Variants in ITSN1 observed in about 807,000 individuals in gnomAD.
ITSN1 encodes intersectin 1, also known as intersectin-1.
In ITSN1, 58 loss-of-function variants were observed where a neutral mutation model predicts 239.8. The ratio of observed to expected loss-of-function variants is 0.24; its 90% CI spans 0.20 to 0.30. ITSN1 has a LOEUF of 0.30. ITSN1 is among the 10% of genes least tolerant of loss of function. ITSN1 has a pLI of 1.00. For missense variants in ITSN1, 1,558 were observed against 2,103.3 expected (o/e 0.74, Z 5.07); for synonymous variants, 780 against 770.8 (o/e 1.01, Z -0.20).
rs1037554839 is a variant in ITSN1 at position 33,837,040 on chromosome 21, A to C, written c.3661+408A>C. On this transcript the variant is annotated intron_variant, in intron 29 of 39. Coordinates refer to ENST00000381318, the MANE Select transcript of ITSN1 (RefSeq NM_003024.3). ...GGCTTGAAAGTCCTCAAAGAGACCCACTATCCCATATCACTGCCCAGAGGG... is the reference window on the plus strand; with the variant it reads ...GGCTTGAAAGTCCTCAAAGAGACCCCCTATCCCATATCACTGCCCAGAGGG... The C allele has an allele frequency of 1.9e-6, 3 of 1,612,428 alleles. No individual in the cohort carries two copies. The South Asian group carries it at 3.3e-5, about 18-fold the overall frequency.
At chr21:33,751,003 AG>A (rs768302988) in intron 6 of ITSN1, among the ~76,000 whole-genome samples, 34 of 152,366 alleles carry the variant, frequency 2.2e-4, no homozygotes, top group South Asian at 8.3e-4. Context: ...CATGGGTTTT[AG>A]CATCATACTT....
In ITSN1 at chr21:33,667,920, A is replaced by G. The variant is rs148458903; in HGVS notation, c.-33+25207A>G. Among the ~76,000 whole-genome samples the G allele has an allele frequency of 1.8e-3, 271 of 152,280 alleles. 3 individuals are homozygous for G. The highest frequency in any genetic ancestry group is 6.3e-3 in the African/African-American group (260 of 41,552). ...TGAGGTGGGTTGGGTTCTGGTGCCT[A>G]TGGCAGGGGCTCCAGCAAGCAGATG... On this transcript the variant is annotated intron_variant, in intron 1 of 39. Transcript: ENST00000381318.
rs750751221 is a variant in ITSN1 at position 33,774,797 on chromosome 21, A to G, written c.1374A>G (p.Leu458=). 21 of 1,613,964 alleles carry G rather than the reference A, an allele frequency of 1.3e-5. 1 individual carries two copies. The highest frequency in any genetic ancestry group is 8.8e-5 in the South Asian group (8 of 91,082). Residue 458 remains leucine (L), a synonymous_variant, in exon 13 of 40, where the codon CTA becomes CTG. Coordinates refer to ENST00000381318, the MANE Select transcript of ITSN1 (RefSeq NM_003024.3). ...EWERNRRQEL[L]NQRNKEQEDI... ...AACGGAATCGAAGGCAAGAACTACTAAATCAAAGAAACAAAGAACAAGAGG... is the reference window on the plus strand; with the variant it reads ...AACGGAATCGAAGGCAAGAACTACTGAATCAAAGAAACAAAGAACAAGAGG...
In ITSN1 at chr21:33,813,907, C is replaced by G; in HGVS notation, c.2568-6C>G. On this transcript the variant is annotated splice_polypyrimidine_tract_variant and splice_region_variant and intron_variant, in intron 21 of 39. Transcript: ENST00000381318. The stretch of plus-strand genomic sequence containing the variant: ...GTTATTCATGGTGTTGTGCTTTTCC[C>G]TCCAGGTGGCCCACCAGCACGAATG... 6.2e-7 allele frequency: 1 copy of G among 1,613,024 alleles called. No homozygotes were observed. Among genetic ancestry groups the G allele is most frequent in the Non-Finnish European group, 8.5e-7 (1 of 1,179,630 alleles).
intron 20 of ITSN1, among the ~76,000 whole-genome samples, chr21:33,804,667 G>GT (rs1168805628): frequency 6.6e-6 from 1 of 152,132 alleles, no homozygotes; most frequent in Non-Finnish European, 1.5e-5. Flanking sequence ...TTTGACATCC[G>GT]TAACATGTTA....
intron 2 of ITSN1, among the ~76,000 whole-genome samples, chr21:33,719,299 G>T (rs1332889501): frequency 4.6e-5 from 7 of 152,084 alleles, no homozygotes; most frequent in Admixed American, 4.6e-4. Context: ...AAATTAGCCG[G>T]GCGTGGTGGC....
chr21:33,878,036 GTGTGTGTGTGTT>G (rs1984282533), intron 34 of ITSN1, among the ~76,000 whole-genome samples: 1 of 118,390 alleles, frequency 8.4e-6, no homozygotes, highest in African/African-American at 2.7e-5. Context: ...GTGTGTGTGT[GTGTGTGTGTGTT>G]TGTTTTAGTC....
At chr21:33,676,936 C>T (rs1009689326) in intron 1 of ITSN1, among the ~76,000 whole-genome samples, 1 of 149,272 alleles carries the variant, frequency 6.7e-6, no homozygotes, top group Non-Finnish European at 1.5e-5. Flanking sequence ...TGTTCTCACT[C>T]ATAGGTGGGA....
chr21:33,880,672 A>G (rs1328557130), intron 34 of ITSN1, among the ~76,000 whole-genome samples: 2 of 152,050 alleles, frequency 1.3e-5, no homozygotes, highest in African/African-American at 4.8e-5. Flanking sequence ...TGGGGGACAC[A>G]TGTTACGAAC....
rs1029051019 is a variant in ITSN1, at chr21:33,886,502, C to T, written c.5017+42C>T. On this transcript the variant is annotated intron_variant, in intron 39 of 39. Transcript: ENST00000381318. ...CCTGTGGTTATTCCTCCTTCCCTGG[C>T]ACTCGTTTGCGTGGGTTAATGTTTT... The T allele has an allele frequency of 3.4e-6, 5 of 1,483,848 alleles. No homozygotes were observed. The Admixed American group carries it at 1.1e-4, about 33-fold the overall frequency. 91.9% of individuals were successfully genotyped at this position (1,483,848 alleles called of 1,614,324 possible).
chr21:33,788,960 T>A (rs1225380569), intron 16 of ITSN1, among the ~76,000 whole-genome samples: 1 of 152,196 alleles, frequency 6.6e-6, no homozygotes, highest in Non-Finnish European at 1.5e-5. Context: ...ATAAATTTTT[T>A]AAATGAATGA....
chr21:33,842,494 C>CT (rs1249004285), intron 29 of ITSN1, among the ~76,000 whole-genome samples: 1 of 121,754 alleles, frequency 8.2e-6, no homozygotes, highest in East Asian at 2.8e-4. Context: ...ATGATGTCAA[C>CT]GGTGTGTGTG....
intron 1 of ITSN1, among the ~76,000 whole-genome samples, chr21:33,684,580 G>A (rs1000428478): frequency 1.6e-4 from 25 of 151,930 alleles, no homozygotes; most frequent in African/African-American, 6.0e-4. Flanking sequence ...AGTTTTCCTA[G>A]GGTACTTATA....
At chr21:33,872,796 C>T (rs1982981117) in intron 33 of ITSN1, among the ~76,000 whole-genome samples, 1 of 151,962 alleles carries the variant, frequency 6.6e-6, no homozygotes, top group Admixed American at 6.6e-5. Flanking sequence ...CCTCCCAAAG[C>T]AATTTTTATT....
intron 1 of ITSN1, among the ~76,000 whole-genome samples, chr21:33,671,581 A>G (rs1291254549): frequency 2.0e-5 from 3 of 152,008 alleles, no homozygotes; most frequent in Non-Finnish European, 2.9e-5. Flanking sequence ...AAGTTGGATG[A>G]TAATTTAAAA....
chr21:33,775,843 CT>C (rs2069558264), intron 14 of ITSN1, among the ~76,000 whole-genome samples: 1 of 152,130 alleles, frequency 6.6e-6, no homozygotes, highest in Non-Finnish European at 1.5e-5. Context: ...ATACAGAGCA[CT>C]TTTAGTAGTT....
rs917012746 is a variant in ITSN1, at chr21:33,894,175, CTAACTT to C, written c.*5879_*5884del. 4 of 152,194 alleles carry C rather than the reference CTAACTT, an allele frequency of 2.6e-5. No homozygotes were observed. Among genetic ancestry groups the C allele is most frequent in the African/African-American group, 9.7e-5 (4 of 41,440 alleles). The allele number at this position is 152,194 out of a possible 1,614,324, so 9.4% of individuals were successfully genotyped here. A position where few individuals can be genotyped will look rare whatever the true frequency, so the allele number is the denominator to read the frequency against. On this transcript the variant is annotated 3_prime_UTR_variant, in exon 40 of 40. Transcript: ENST00000381318. ...TTTTGCCATTGCTTTTGATGGCAAA[CTAACTT>C]TAAGTCATTAAAATAAGACCCAACG...
intron 5 of ITSN1, among the ~76,000 whole-genome samples, chr21:33,739,824 G>C (rs1479565718): frequency 6.6e-6 from 1 of 152,216 alleles, no homozygotes; most frequent in Non-Finnish European, 1.5e-5. Context: ...GCAAACAACA[G>C]ATTAAGCAGA....
intron 29 of ITSN1, among the ~76,000 whole-genome samples, chr21:33,846,870 C>T (rs2075005202): frequency 6.6e-6 from 1 of 152,144 alleles, no homozygotes; most frequent in South Asian, 2.1e-4. Flanking sequence ...CATGAAAAGA[C>T]CCCAAAACAG....
Sources: gnomAD v4.1 joint callset for allele counts (sites outside exome capture counted in the v4.1 genomes callset) on GRCh38, gnomAD v4.1.1 for gene constraint, MANE v1.5 for transcripts, NCBI Gene and HGNC (gene_info 2026-07-23, HGNC 2026-07-21) for gene names.